FBN1: variants seen among roughly 807,000 people sequenced by gnomAD.
FBN1 encodes the protein fibrillin-1.
Under a neutral mutation model 365.1 loss-of-function variants are expected in FBN1, and 29 were observed. The observed-to-expected ratio is 0.08, with a 90% CI of 0.06 to 0.11. The LOEUF (loss-of-function observed/expected upper bound fraction) is 0.11. FBN1 is among the 10% of genes least tolerant of loss of function. The pLI, the probability that FBN1 is intolerant of heterozygous loss-of-function variation, is 1.00. For synonymous variants in FBN1, 1,210 were observed against 1,270.5 expected (o/e 0.95, Z 1.01); for missense variants, 2,476 against 3,703.2 (o/e 0.67, Z 8.60).
At chr15:48,438,732 G>A (rs909030842) in intron 50 of FBN1, among the ~76,000 whole-genome samples, 1 of 152,192 alleles carries the variant, frequency 6.6e-6, no homozygotes, top group African/African-American at 2.4e-5. Context: ...CTCCAACAAA[G>A]AAGATGGGAT....
chr15:48,465,477 C>T (rs1597546882), intron 40 of FBN1, 91 bp downstream of exon 40: 4 of 1,488,344 alleles, frequency 2.7e-6, no homozygotes, highest in African/African-American at 1.4e-5. Flanking sequence ...TGCTACACTG[C>T]TAAATTCTAT....
At position 48,568,082 on chromosome 15, in the gene FBN1, A is replaced by AAGAAAGAC. The variant is rs1338716479; in HGVS notation, c.538+28200_538+28201insGTCTTTCT. 6.5e-4 allele frequency among the ~76,000 whole-genome samples: 98 copies of AAGAAAGAC among 149,982 alleles called. 1 individual carries two copies. Among genetic ancestry groups the AAGAAAGAC allele is most frequent in the Non-Finnish European group, 3.9e-4 (26 of 67,532 alleles). ...AAAGAAAGAAAGAAAGAAAGAAAGA[A>AAGAAAGAC]AGACTATCTTTATTCCAAGACAATA... On this transcript the variant is annotated intron_variant, in intron 6 of 65. Transcript: ENST00000316623.
intron 40 of FBN1, 57 bp downstream of exon 40, chr15:48,465,511 T>A: frequency 6.2e-7 from 1 of 1,603,380 alleles, no homozygotes; most frequent in Non-Finnish European, 8.5e-7. Context: ...ATATTCTGGT[T>A]TTGCAGGTCA....
In FBN1 at chr15:48,520,701, C is replaced by G. The variant is rs1325737620; in HGVS notation, c.1105G>C (p.Gly369Arg). Residue 369 changes from glycine to arginine, a missense_variant, in exon 10 of 66, where the codon GGG becomes CGG. Gly to Arg is a moderately radical substitution (Grantham distance 125). Around this residue, in one of 5 missense-constraint regions of FBN1, gnomAD observed 421 missense variants for 520.1 expected, o/e 0.81. Transcript: ENST00000316623. Reference protein sequence around the residue: ...CCDAGRCWSPGVTVAPEMCPI... With the variant: ...CCDAGRCWSPRVTVAPEMCPI... ...CACATCTCAGGGGCGACAGTGACCC[C>G]TGGAGACCAGCATCGGCCGGCATCA... 2 of 1,614,012 alleles carry G rather than the reference C, an allele frequency of 1.2e-6. No individual in the cohort carries two copies. Among genetic ancestry groups the G allele is most frequent in the African/African-American group, 2.7e-5 (2 of 74,898 alleles).
intron 6 of FBN1, among the ~76,000 whole-genome samples, chr15:48,556,369 A>C (rs1437111463): frequency 6.6e-6 from 1 of 152,228 alleles, no homozygotes; most frequent in African/African-American, 2.4e-5. Flanking sequence ...AGCCAATGCC[A>C]GCCAAATATG....
chr15:48,530,110 T>C (rs1182192059), intron 8 of FBN1, among the ~76,000 whole-genome samples: 1 of 110,110 alleles, frequency 9.1e-6, no homozygotes, highest in Non-Finnish European at 1.9e-5. Context: ...TCTGAATTCT[T>C]ATCCATGCTG....
In FBN1 at chr15:48,445,424, G is replaced by C; in HGVS notation, c.5869C>G (p.Gln1957Glu). The change falls in exon 48 of 66, where the codon CAG becomes GAG. Residue 1957 changes from glutamine (Q) to glutamate (E), a missense_variant. By Grantham distance (29) the Gln-to-Glu change is conservative. Around this residue, in one of 5 missense-constraint regions of FBN1, gnomAD observed 1,780 missense variants for 2,840.8 expected, o/e 0.63. Coordinates refer to ENST00000316623, the MANE Select transcript of FBN1 (RefSeq NM_000138.5). ...CINTVGSFQCQCNEGYEVAPD... is the reference protein window; with the variant it reads ...CINTVGSFQCECNEGYEVAPD... ...GCCACCTCATAGCCTTCATTGCACT[G>C]GCACTGGAAAGACCCCACTGTATTA... The C allele has an allele frequency of 6.2e-7, 1 of 1,612,608 alleles. No homozygotes were observed.
At chr15:48,456,835 A>AGTGT (rs1461663965) in intron 43 of FBN1, 73 bp from the exon 44 acceptor site, 557 of 1,111,508 alleles carry the variant, frequency 5.0e-4, no homozygotes, top group Non-Finnish European at 6.5e-4. Flanking sequence ...CAAGATGGAA[A>AGTGT]GTGCGTGCGT....
In FBN1 at chr15:48,534,224, CAGAG is replaced by C. The variant is rs72041020; in HGVS notation, c.737-23_737-20del. The C allele has an allele frequency of 8.3e-6, 13 of 1,575,164 alleles. No individual in the cohort carries two copies. Among genetic ancestry groups the C allele is most frequent in the Non-Finnish European group, 1.0e-5 (12 of 1,165,104 alleles). On this transcript the variant is annotated intron_variant, in intron 7 of 65. Coordinates refer to ENST00000316623, the MANE Select transcript of FBN1 (RefSeq NM_000138.5). ...TCCACATCTGTCAGATTACAGAAGACAGAGAGAAAAAAAAAAAACTCATATGAAA... is the reference window on the plus strand; with the variant it reads ...TCCACATCTGTCAGATTACAGAAGACAGAAAAAAAAAAAACTCATATGAAA...
intron 10 of FBN1, among the ~76,000 whole-genome samples, chr15:48,517,966 A>G (rs1259917118): frequency 6.6e-6 from 1 of 152,228 alleles, no homozygotes; most frequent in Non-Finnish European, 1.5e-5. Context: ...GAGGTTAAAT[A>G]GGAAAGTACT....
intron 2 of FBN1, among the ~76,000 whole-genome samples, chr15:48,616,645 C>T (rs1177381178): frequency 6.6e-6 from 1 of 152,130 alleles, no homozygotes; most frequent in Non-Finnish European, 1.5e-5. Context: ...AATAAAGTTA[C>T]TCTTTCGGGT....
At chr15:48,617,644 A>C (rs1018324796) in intron 2 of FBN1, among the ~76,000 whole-genome samples, 1 of 152,184 alleles carries the variant, frequency 6.6e-6, no homozygotes, top group African/African-American at 2.4e-5. Flanking sequence ...ACCCAACTCC[A>C]AACACCCTGG....
chr15:48,582,045 T>C (rs2044397177), intron 6 of FBN1, among the ~76,000 whole-genome samples: 1 of 152,230 alleles, frequency 6.6e-6, no homozygotes, highest in Non-Finnish European at 1.5e-5. Flanking sequence ...CTCTGAGGTA[T>C]TAACACTTCA....
chr15:48,522,458 G>A (rs895071616), intron 9 of FBN1, among the ~76,000 whole-genome samples: 4 of 152,002 alleles, frequency 2.6e-5, no homozygotes, highest in Admixed American at 6.6e-5. Context: ...CTAGTCCCTT[G>A]TGCCAAAAAG....
At chr15:48,448,967 T>A in intron 45 of FBN1, 74 bp from the exon 46 acceptor site, 1 of 1,250,496 alleles carries the variant, frequency 8.0e-7, no homozygotes, top group Non-Finnish European at 1.2e-6. Context: ...CTAGCTATCA[T>A]TCTCAGGAGT....
In FBN1 at chr15:48,412,660, G is replaced by A; in HGVS notation, c.8135C>T (p.Pro2712Leu). 1 of 1,614,232 alleles carries A rather than the reference G, an allele frequency of 6.2e-7. No individual in the cohort carries two copies. Among genetic ancestry groups the A allele is most frequent in the South Asian group, 1.1e-5 (1 of 91,084 alleles). Residue 2712 changes from proline to leucine, a missense_variant, in exon 65 of 66, where the codon CCA becomes CTA. Physicochemically the swap from Pro to Leu is moderately conservative, Grantham distance 98. Around this residue, in one of 5 missense-constraint regions of FBN1, gnomAD observed 177 missense variants for 192.7 expected, o/e 0.92. Transcript: ENST00000316623. ...SGEMDDNSLS[P>L]EACYECKING... Reference sequence around the variant, plus strand: ...GATCTTACACTCGTAACAAGCCTCTGGGGAGAGTGAATTGTCATCCATTTC... The same window carrying A: ...GATCTTACACTCGTAACAAGCCTCTAGGGAGAGTGAATTGTCATCCATTTC...
At chr15:48,449,206 A>T (rs1026365759) in intron 45 of FBN1, among the ~76,000 whole-genome samples, 1 of 152,214 alleles carries the variant, frequency 6.6e-6, no homozygotes, top group Non-Finnish European at 1.5e-5. Flanking sequence ...CGGCCTACGC[A>T]GCACCACAGA....
intron 57 of FBN1, 114 bp from the exon 58 acceptor site, chr15:48,427,887 G>A (rs781542066): frequency 1.2e-5 from 11 of 893,160 alleles, no homozygotes; most frequent in Non-Finnish European, 2.0e-5. Flanking sequence ...TTTACCCTGG[G>A]TGAGAAGAAG....
intron 54 of FBN1, among the ~76,000 whole-genome samples, chr15:48,433,480 A>G (rs2043039530): frequency 6.6e-6 from 1 of 152,212 alleles, no homozygotes; most frequent in African/African-American, 2.4e-5. Context: ...CTGTGAAATA[A>G]CAGCAATTCT....
Sources: allele counts gnomAD v4.1 joint callset (sites outside exome capture counted in the v4.1 genomes callset), GRCh38; gene constraint gnomAD v4.1.1; regional missense constraint gnomAD v4.1.1; transcripts MANE v1.5; gene names NCBI Gene and HGNC (gene_info 2026-07-23, HGNC 2026-07-21).